Variants in RASSF8 observed in about 807,000 individuals in gnomAD.
RASSF8 encodes ras association domain-containing protein 8.
A neutral mutation model predicts 48.5 loss-of-function variants in RASSF8; 22 were observed. The ratio of observed to expected loss-of-function variants is 0.45; its 90% CI spans 0.32 to 0.65. The LOEUF (loss-of-function observed/expected upper bound fraction) is 0.65, where lower values mean the gene tolerates loss of function less well. Among genes scored for constraint, RASSF8 ranks in the 30% least tolerant of loss-of-function variants. The pLI is 0.03. For missense variants in RASSF8, 418 were observed against 489.2 expected, an observed-to-expected ratio of 0.85 and a Z score of 1.37; for synonymous variants, 127 against 171.5, an observed-to-expected ratio of 0.74 and a Z score of 2.03.
chr12:25,969,349 A>T (rs1941431718), intron 1 of RASSF8, among the ~76,000 whole-genome samples: 2 of 152,168 alleles, frequency 1.3e-5, no homozygotes. Flanking sequence ...GGTAAAATGG[A>T]GATAGTAATG....
intron 2 of RASSF8, among the ~76,000 whole-genome samples, chr12:26,050,857 C>T (rs1943475428): frequency 6.6e-6 from 1 of 152,128 alleles, no homozygotes; most frequent in African/African-American, 2.4e-5. Flanking sequence ...TAATTCTTTG[C>T]AGTTTCTTAG....
chr12:25,998,688 A>G (rs1433970843), intron 2 of RASSF8, among the ~76,000 whole-genome samples: 1 of 152,168 alleles, frequency 6.6e-6, no homozygotes, highest in Non-Finnish European at 1.5e-5. Flanking sequence ...TGCCTTCTGC[A>G]AGATATTGAA....
At chr12:26,028,213 T>C (rs1370579053) in intron 2 of RASSF8, among the ~76,000 whole-genome samples, 1 of 152,238 alleles carries the variant, frequency 6.6e-6, no homozygotes, top group Non-Finnish European at 1.5e-5. Flanking sequence ...CCCTGTACTC[T>C]TTGGAAGTAT....
chr12:26,055,583 T>C (rs1943584812), intron 3 of RASSF8, 137 bp downstream of exon 3: 1 of 753,782 alleles, frequency 1.3e-6, no homozygotes, highest in South Asian at 1.6e-5. Context: ...CTTGTACTTA[T>C]TACAGTTTGC....
chr12:26,048,219 A>G (rs1447145346), intron 2 of RASSF8, among the ~76,000 whole-genome samples: 3 of 152,168 alleles, frequency 2.0e-5, no homozygotes, highest in Non-Finnish European at 2.9e-5. Flanking sequence ...GTTTCCGGGA[A>G]CTCTGAAATG....
intron 5 of RASSF8, among the ~76,000 whole-genome samples, 189 bp from the exon 6 acceptor site, chr12:26,068,508 C>T (rs900354687): frequency 1.3e-5 from 2 of 152,156 alleles, no homozygotes; most frequent in African/African-American, 4.8e-5. Context: ...TTCAAATCAA[C>T]AAAAACTAGT....
intron 2 of RASSF8, among the ~76,000 whole-genome samples, chr12:25,996,656 T>G (rs539681389): frequency 1.3e-5 from 2 of 152,344 alleles, no homozygotes; most frequent in South Asian, 4.1e-4. Flanking sequence ...CAGCCTTTAA[T>G]TTTGATCCTT....
intron 2 of RASSF8, among the ~76,000 whole-genome samples, chr12:26,047,562 C>T (rs1325706807): frequency 6.6e-6 from 1 of 152,202 alleles, no homozygotes; most frequent in African/African-American, 2.4e-5. Flanking sequence ...CTGTGTATAA[C>T]CTGGCCAGGC....
At chr12:26,036,865 G>A (rs546880652) in intron 2 of RASSF8, among the ~76,000 whole-genome samples, 12 of 152,020 alleles carry the variant, frequency 7.9e-5, no homozygotes, top group East Asian at 5.8e-4. Context: ...GAAGTGAGCC[G>A]AGATAACACC....
intron 1 of RASSF8, among the ~76,000 whole-genome samples, chr12:25,992,243 T>C (rs918343349): frequency 6.6e-6 from 1 of 152,226 alleles, no homozygotes; most frequent in African/African-American, 2.4e-5. Flanking sequence ...AATGCAGGTG[T>C]CAGTGCAAAG....
At position 26,070,458 on chromosome 12, in the gene RASSF8, T is replaced by C. The variant is rs1051331976; in HGVS notation, c.*1640T>C. ...AAGTGGCGGACCTCAACTGAAGATA[T>C]GAGTTTCTTTGGGTTCTTGGAGTTA... On this transcript the variant is annotated 3_prime_UTR_variant, in exon 6 of 6. Coordinates refer to ENST00000689635, the MANE Select transcript of RASSF8 (RefSeq NM_001394098.1). 8.1e-6 allele frequency: 8 copies of C among 984,936 alleles called. No individual in the cohort carries two copies. Among genetic ancestry groups the C allele is most frequent in the Admixed American group, 6.1e-5 (1 of 16,272 alleles). The allele number at this position is 984,936 out of a possible 1,614,324, so 61.0% of individuals were successfully genotyped here.
chr12:26,049,816 C>G (rs1943452030), intron 2 of RASSF8, among the ~76,000 whole-genome samples: 1 of 152,204 alleles, frequency 6.6e-6, no homozygotes, highest in East Asian at 1.9e-4. Flanking sequence ...CGGAGTCTCG[C>G]TCTGTCACCC....
At chr12:25,966,488 A>G (rs1020596363) in intron 1 of RASSF8, among the ~76,000 whole-genome samples, 6 of 152,210 alleles carry the variant, frequency 3.9e-5, no homozygotes, top group African/African-American at 1.4e-4. Context: ...GATCACAGGC[A>G]TGAGCCATGT....
In RASSF8 at chr12:26,055,217, A is replaced by T. The variant is rs938865791; in HGVS notation, c.-108-19A>T. 1.3e-5 allele frequency: 9 copies of T among 703,760 alleles called. No homozygotes were observed. The Admixed American group carries it at 2.2e-4, about 17-fold the overall frequency. The allele number at this position is 703,760 out of a possible 1,614,324, so 43.6% of individuals were successfully genotyped here. A position where few individuals can be genotyped will look rare whatever the true frequency, so the allele number is the denominator to read the frequency against. On this transcript the variant is annotated intron_variant, in intron 2 of 5. Coordinates refer to ENST00000689635, the MANE Select transcript of RASSF8 (RefSeq NM_001394098.1). Reference sequence around the variant, plus strand: ...ATGTTGATTCATTTTATTACAAGTGATTTTTTGCCCTTTTTTAGCTGACTA... The same window carrying T: ...ATGTTGATTCATTTTATTACAAGTGTTTTTTTGCCCTTTTTTAGCTGACTA...
Position 26,069,102 on chromosome 12 carries a change from A to T in RASSF8, c.*284A>T. 1 of 1,047,722 alleles carries T rather than the reference A, an allele frequency of 9.5e-7. No individual in the cohort carries two copies. The highest frequency in any genetic ancestry group is 3.7e-5 in the South Asian group (1 of 26,938). 64.9% of individuals were successfully genotyped at this position (1,047,722 alleles called of 1,614,324 possible). A position where few individuals can be genotyped will look rare whatever the true frequency, so the allele number is the denominator to read the frequency against. On this transcript the variant is annotated 3_prime_UTR_variant, in exon 6 of 6. Coordinates refer to ENST00000689635, the MANE Select transcript of RASSF8 (RefSeq NM_001394098.1). ...TTTGAGAGCTTTAGGAAAGTATTATATAGTGTGTATACATAAATAAGCCGT... is the reference window on the plus strand; with the variant it reads ...TTTGAGAGCTTTAGGAAAGTATTATTTAGTGTGTATACATAAATAAGCCGT...
intron 3 of RASSF8, among the ~76,000 whole-genome samples, chr12:26,057,735 G>C (rs1591809670): frequency 6.6e-6 from 1 of 152,206 alleles, no homozygotes; most frequent in Non-Finnish European, 1.5e-5. Flanking sequence ...CTAGTTTACA[G>C]TCCCACCAAC....
At chr12:26,068,434 G>T (rs1343610517) in intron 5 of RASSF8, among the ~76,000 whole-genome samples, 1 of 152,070 alleles carries the variant, frequency 6.6e-6, no homozygotes, top group Non-Finnish European at 1.5e-5. Flanking sequence ...ATCTGTGTAT[G>T]CATATGGTGT....
intron 2 of RASSF8, among the ~76,000 whole-genome samples, chr12:26,009,275 A>G (rs1328950437): frequency 6.6e-6 from 1 of 152,196 alleles, no homozygotes; most frequent in East Asian, 1.9e-4. Context: ...TAACACTTCT[A>G]CTGATCAAAC....
At chr12:25,977,462 T>C (rs1207248766) in intron 1 of RASSF8, among the ~76,000 whole-genome samples, 2 of 152,204 alleles carry the variant, frequency 1.3e-5, no homozygotes, top group Non-Finnish European at 2.9e-5. Flanking sequence ...TAAGTCTCTT[T>C]CATTTATATG....
Sources: gnomAD v4.1 joint callset for allele counts (sites outside exome capture counted in the v4.1 genomes callset) on GRCh38, gnomAD v4.1.1 for gene constraint, MANE v1.5 for transcripts, NCBI Gene and HGNC (gene_info 2026-07-23, HGNC 2026-07-21) for gene names.